The following ANXA8L1 variants were observed in gnomAD, a reference collection of about 807,000 sequenced individuals.
The protein encoded by ANXA8L1 is annexin A8-like protein 1.
In ANXA8L1, 10 loss-of-function variants were observed where a neutral mutation model predicts 22.5. The ratio of observed to expected loss-of-function variants is 0.44; its 90% CI spans 0.27 to 0.75. The LOEUF is 0.75. Among genes scored for constraint, ANXA8L1 ranks in the 30% least tolerant of loss-of-function variants. The probability of loss-of-function intolerance (pLI) is 0.15; values close to 1 mark genes in which losing one functional copy is unlikely to be tolerated. For missense variants in ANXA8L1, 88 were observed against 219.6 expected (o/e 0.40, Z 3.79); for synonymous variants, 36 against 86.0 (o/e 0.42, Z 3.22).
At chr10:46,384,635 G>A in intron 6 of ANXA8L1, 139 bp from the exon 7 acceptor site, 1 of 1,432,336 alleles carries the variant, frequency 7.0e-7, no homozygotes, top group Non-Finnish European at 9.7e-7. Context: ...AAGGGCTGAA[G>A]AGAATAACTG....
chr10:46,384,759 C>A lies in ANXA8L1; in HGVS notation c.493-15C>A, dbSNP rs1287201392. 3.1e-6 allele frequency: 5 copies of A among 1,613,202 alleles called. No homozygotes were observed. Among genetic ancestry groups the A allele is most frequent in the Non-Finnish European group, 4.2e-6 (5 of 1,179,836 alleles). Reference sequence around the variant, plus strand: ...CAGCTGGCCTGCCTTACAGAGCCACCTCCTCTGTTCCTAGGGCAGCAGGGA... The same window carrying A: ...CAGCTGGCCTGCCTTACAGAGCCACATCCTCTGTTCCTAGGGCAGCAGGGA... On this transcript the variant is annotated splice_polypyrimidine_tract_variant and intron_variant, in intron 6 of 11. Transcript: ENST00000619162.
chr10:46,390,846 ACGCTTATG>A lies in ANXA8L1; in HGVS notation c.925-21_925-14del. 4 of 1,111,550 alleles carry A rather than the reference ACGCTTATG, an allele frequency of 3.6e-6. 1 individual carries two copies. The South Asian group carries it at 5.9e-5, about 16-fold the overall frequency. The allele number at this position is 1,111,550 out of a possible 1,614,324, so 68.9% of individuals were successfully genotyped here. On this transcript the variant is annotated splice_polypyrimidine_tract_variant and intron_variant, in intron 11 of 11. Transcript: ENST00000619162. ...GCCAGGCACAAACAAACCCCTTCTCACGCTTATGCGCCTCCTACCCACAGGAAGACACC... is the reference window on the plus strand; with the variant it reads ...GCCAGGCACAAACAAACCCCTTCTCACGCCTCCTACCCACAGGAAGACACC...
chr10:46,382,639 C>T lies in ANXA8L1; in HGVS notation c.268C>T (p.Leu90Phe). The T allele has an allele frequency of 3.9e-6, 5 of 1,292,008 alleles. 2 individuals carry two copies. The highest frequency in any genetic ancestry group is 4.6e-5 in the Admixed American group (2 of 43,680). 80.0% of individuals were successfully genotyped at this position (1,292,008 alleles called of 1,614,324 possible). A position where few individuals can be genotyped will look rare whatever the true frequency, so the allele number is the denominator to read the frequency against. Residue 90 changes from leucine to phenylalanine, a missense_variant, in exon 4 of 12, where the codon CTT (leucine) becomes TTT (phenylalanine). By Grantham distance (22) the Leu-to-Phe change is conservative (BLOSUM62 0). Transcript: ENST00000619162. ...SGKFERLIVA[L>F]MYPPYRYEAK... ...CAAGTTTGAGAGGCTCATTGTGGCC[C>T]TTATGTATCCGCCATACAGATACGA...
intron 1 of ANXA8L1, among the ~76,000 whole-genome samples, chr10:46,378,992 T>C (rs1210627035): frequency 1.2e-4 from 16 of 139,048 alleles, no homozygotes; most frequent in Non-Finnish European, 2.3e-4. Flanking sequence ...GGTGGGAAAG[T>C]AGATGGGCAG....
At chr10:46,389,716 T>G (rs1554975245) in intron 11 of ANXA8L1, among the ~76,000 whole-genome samples, 1 of 151,416 alleles carries the variant, frequency 6.6e-6, no homozygotes, top group African/African-American at 2.4e-5. Context: ...AGAAAAATTG[T>G]CTTCAAAATA....
chr10:46,375,780 G>C lies in ANXA8L1; in HGVS notation c.-72G>C. 6.2e-7 allele frequency: 1 copy of C among 1,607,514 alleles called. No individual in the cohort carries two copies. The highest frequency in any genetic ancestry group is 2.2e-5 in the East Asian group (1 of 44,838). ...CACTCCTCAGCTGCAGGAGCCAGACGTGTGGAGTCCCAGCAGAGGCCAACC... is the reference window on the plus strand; with the variant it reads ...CACTCCTCAGCTGCAGGAGCCAGACCTGTGGAGTCCCAGCAGAGGCCAACC... On this transcript the variant is annotated 5_prime_UTR_variant, in exon 1 of 12. Coordinates refer to ENST00000619162, the MANE Select transcript of ANXA8L1 (RefSeq NM_001098845.3).
chr10:46,376,299 G>A (rs1210774198), intron 1 of ANXA8L1, among the ~76,000 whole-genome samples: 17 of 146,098 alleles, frequency 1.2e-4, no homozygotes, highest in Admixed American at 4.8e-4. Context: ...GAGGGTCAGA[G>A]GGCGGGGAGC....
chr10:46,384,868 C>T lies in ANXA8L1; in HGVS notation c.552+35C>T, dbSNP rs1840017535. The stretch of plus-strand genomic sequence containing the variant: ...CGCCCAGCCGGCCATGTGGCCCCAC[C>T]CCCTGCCATCTGGACTCCGGCTCCT... On this transcript the variant is annotated intron_variant, in intron 7 of 11. Coordinates refer to ENST00000619162, the MANE Select transcript of ANXA8L1 (RefSeq NM_001098845.3). 3.1e-6 allele frequency: 5 copies of T among 1,611,830 alleles called. No homozygotes were observed. The Admixed American group carries it at 5.0e-5, about 16-fold the overall frequency.
rs1840024856 is a variant in ANXA8L1, at chr10:46,385,396, G to A, written c.569G>A (p.Gly190Asp). The A allele has an allele frequency of 4.7e-6, 5 of 1,071,776 alleles. 1 individual carries two copies. The highest frequency in any genetic ancestry group is 5.2e-6 in the Non-Finnish European group (4 of 766,194). The allele number at this position is 1,071,776 out of a possible 1,614,324, so 66.4% of individuals were successfully genotyped here. The part of the protein sequence containing the change: ...LQDAQDLYAA[G>D]EKIRGTDEMK... Reference sequence around the variant, plus strand: ...CAATGCTAGGATCTGTATGCGGCAGGCGAGAAGATTCGTGGGACTGATGAG... The same window carrying A: ...CAATGCTAGGATCTGTATGCGGCAGACGAGAAGATTCGTGGGACTGATGAG... Residue 190 changes from glycine (G) to aspartate (D), a missense_variant, in exon 8 of 12, where the codon GGC becomes GAC. Gly to Asp is a moderately conservative substitution (Grantham distance 94). Transcript: ENST00000619162.
At position 46,385,751 on chromosome 10, in the gene ANXA8L1, A is replaced by G; in HGVS notation, c.686A>G (p.Glu229Gly). ...EYEKIANKSI[E>G]DSIKSETHGS... ...GAGAAAATTGCCAACAAGAGCATTGAGGACAGCATCAAGAGTGAGACCCAT... is the reference window on the plus strand; with the variant it reads ...GAGAAAATTGCCAACAAGAGCATTGGGGACAGCATCAAGAGTGAGACCCAT... The change falls in exon 9 of 12, where the codon GAG becomes GGG. Residue 229 changes from glutamate (E) to glycine (G), a missense_variant. Glu to Gly is a moderately conservative substitution (Grantham distance 98). Transcript: ENST00000619162. The G allele has an allele frequency of 5.7e-6, 2 of 348,752 alleles. No individual in the cohort carries two copies. The highest frequency in any genetic ancestry group is 5.7e-5 in the Admixed American group (1 of 17,412). 21.6% of individuals were successfully genotyped at this position (348,752 alleles called of 1,614,324 possible).
rs1840025431 is a variant in ANXA8L1, at chr10:46,385,448, G to A, written c.621G>A (p.Thr207=). 16 of 1,190,620 alleles carry A rather than the reference G, an allele frequency of 1.3e-5. 2 individuals carry two copies. The highest frequency in any genetic ancestry group is 6.9e-5 in the African/African-American group (3 of 43,794). 73.8% of individuals were successfully genotyped at this position (1,190,620 alleles called of 1,614,324 possible). The part of the protein sequence containing the change: ...DEMKFITILC[T]RSATHLLRVF... ...TGAAATTCATCACCATCCTGTGCAC[G>A]CGCAGTGCCACTCACCTGCTGAGAG... The change falls in exon 8 of 12, where the codon ACG becomes ACA. Residue 207 remains threonine (T), a synonymous_variant. Transcript: ENST00000619162.
chr10:46,390,181 C>T (rs1238143567), intron 11 of ANXA8L1, among the ~76,000 whole-genome samples: 1 of 150,932 alleles, frequency 6.6e-6, no homozygotes, highest in African/African-American at 2.5e-5. Flanking sequence ...CCAGTCCCAT[C>T]AGGACCTACC....
In ANXA8L1 at chr10:46,382,756, G is replaced by A. The variant is rs1839991824; in HGVS notation, c.321+64G>A. ...TCACATGACTGGGTAGGGGCAATGC[G>A]GGGACCGGGAACCTACAGCCCAGAG... is the stretch of plus-strand genomic sequence containing the variant. On this transcript the variant is annotated intron_variant, in intron 4 of 11. Coordinates refer to ENST00000619162, the MANE Select transcript of ANXA8L1 (RefSeq NM_001098845.3). 14 of 917,926 alleles carry A rather than the reference G, an allele frequency of 1.5e-5. 2 individuals are homozygous for A. Among genetic ancestry groups the A allele is most frequent in the South Asian group, 6.1e-5 (4 of 65,258 alleles). The allele number at this position is 917,926 out of a possible 1,614,324, so 56.9% of individuals were successfully genotyped here.
chr10:46,384,788 T>C lies in ANXA8L1; in HGVS notation c.507T>C (p.Asp169=), dbSNP rs1588896562. Residue 169 remains aspartate (D), a synonymous_variant, in exon 7 of 12, where the codon GAT becomes GAC. Coordinates refer to ENST00000619162, the MANE Select transcript of ANXA8L1 (RefSeq NM_001098845.3). Reference sequence around the variant, plus strand: ...TCTGTTCCTAGGGCAGCAGGGATGATGTGAGCAGCTTTGTGGACCCGGCAC... The same window carrying C: ...TCTGTTCCTAGGGCAGCAGGGATGACGTGAGCAGCTTTGTGGACCCGGCAC... ...LVCLLQGSRD[D]VSSFVDPALA... The C allele has an allele frequency of 6.2e-7, 1 of 1,613,206 alleles. No homozygotes were observed. The highest frequency in any genetic ancestry group is 1.1e-5 in the South Asian group (1 of 91,038).
At chr10:46,389,931 G>A (rs1292111809) in intron 11 of ANXA8L1, among the ~76,000 whole-genome samples, 9 of 151,594 alleles carry the variant, frequency 5.9e-5, no homozygotes, top group Non-Finnish European at 2.9e-5. Flanking sequence ...CCCGTAATGA[G>A]ATTTCAGGCT....
intron 6 of ANXA8L1, 33 bp from the exon 7 acceptor site, chr10:46,384,741 C>A (rs1840014176): frequency 1.6e-5 from 26 of 1,612,978 alleles, no homozygotes; most frequent in Non-Finnish European, 2.0e-5. Flanking sequence ...GGTCAGCTGG[C>A]CTGCCTTACA....
intron 11 of ANXA8L1, among the ~76,000 whole-genome samples, chr10:46,390,537 G>A: frequency 6.8e-6 from 1 of 146,244 alleles, no homozygotes; most frequent in East Asian, 1.9e-4. Context: ...GCATCGTGTT[G>A]TGTAAATGAA....
chr10:46,389,617 A>G (rs1190525446), intron 11 of ANXA8L1, among the ~76,000 whole-genome samples: 1 of 151,232 alleles, frequency 6.6e-6, no homozygotes, highest in Non-Finnish European at 1.5e-5. Flanking sequence ...CTGCATTGAA[A>G]TTAAGAGGCA....
chr10:46,379,221 C>T, intron 1 of ANXA8L1, among the ~76,000 whole-genome samples: 1 of 152,244 alleles, frequency 6.6e-6, no homozygotes, highest in Non-Finnish European at 1.5e-5. Flanking sequence ...AAAGAGCCCT[C>T]AGGCAAGCCC....
Sources: allele counts gnomAD v4.1 joint callset (sites outside exome capture counted in the v4.1 genomes callset), GRCh38; gene constraint gnomAD v4.1.1; transcripts MANE v1.5; gene names NCBI Gene and HGNC (gene_info 2026-07-23, HGNC 2026-07-21).